Variants in RARB observed in about 807,000 individuals in gnomAD.
RARB encodes the protein HBV-activated protein.
A neutral mutation model predicts 51.9 loss-of-function variants in RARB; 17 were observed. The ratio of observed to expected loss-of-function variants is 0.33; its 90% CI spans 0.22 to 0.49. The LOEUF is 0.49. Among genes scored for constraint, RARB ranks in the 20% least tolerant of loss-of-function variants. RARB has a pLI of 0.99. For missense variants in RARB, 369 were observed against 550.8 expected (o/e 0.67, Z 3.30); for synonymous variants, 215 against 195.4 (o/e 1.10, Z -0.84).
At chr3:25,166,743 C>T (rs1178813525) in intron 4 of RARB, among the ~76,000 whole-genome samples, 1 of 152,198 alleles carries the variant, frequency 6.6e-6, no homozygotes, top group African/African-American at 2.4e-5. Flanking sequence ...GTAAAACTAA[C>T]ACTTCTCACC....
At chr3:25,281,177 T>A (rs562043927) in intron 5 of RARB, among the ~76,000 whole-genome samples, 1 of 152,210 alleles carries the variant, frequency 6.6e-6, no homozygotes, top group Non-Finnish European at 1.5e-5. Flanking sequence ...TGAGGATGTG[T>A]GTTGCACTTG....
intron 1 of RARB, among the ~76,000 whole-genome samples, chr3:25,440,026 C>T (rs2125526880): frequency 6.6e-6 from 1 of 152,208 alleles, no homozygotes; most frequent in African/African-American, 2.4e-5. Flanking sequence ...TTTTTCTAAT[C>T]TTTAAAATGA....
At position 25,549,524 on chromosome 3, in the gene RARB, C is replaced by A. The variant is rs535718565; in HGVS notation, c.449-20234C>A. ...GCCATGAACCAACTCGGGGTAGTCA[C>A]ATGTCCTCCCTTTTAAGGTGTTTGG... is the stretch of plus-strand genomic sequence containing the variant. On this transcript the variant is annotated intron_variant, in intron 3 of 7. Coordinates refer to ENST00000330688, the MANE Select transcript of RARB (RefSeq NM_000965.5). Among the ~76,000 whole-genome samples, 13 of 152,304 alleles carry A rather than the reference C, an allele frequency of 8.5e-5. No homozygotes were observed. In the South Asian group the frequency reaches 2.7e-3, roughly 32 times the overall value.
intron 5 of RARB, among the ~76,000 whole-genome samples, chr3:25,373,388 G>C (rs1055595964): frequency 6.6e-6 from 1 of 152,156 alleles, no homozygotes; most frequent in Non-Finnish European, 1.5e-5. Flanking sequence ...AGAATGCAGT[G>C]AGTGAGGAGG....
chr3:25,028,894 C>G (rs1362865747), intron 2 of RARB, among the ~76,000 whole-genome samples: 2 of 152,144 alleles, frequency 1.3e-5, no homozygotes, highest in African/African-American at 4.8e-5. Flanking sequence ...ACCAAATGTG[C>G]CTGACCATGT....
chr3:25,007,592 C>CCAAAAAAAAAAAAAAAAA (rs1697299255), intron 2 of RARB, among the ~76,000 whole-genome samples: 1 of 45,418 alleles, frequency 2.2e-5, no homozygotes, highest in Non-Finnish European at 3.7e-5. Context: ...GAGACTGTCT[C>CCAAAAAAAAAAAAAAAAA]AAAAAAAAAA....
At chr3:25,259,850 C>A in intron 5 of RARB, 1 of 944,788 alleles carries the variant, frequency 1.1e-6, no homozygotes, top group Non-Finnish European at 1.3e-6. Context: ...TCTGTCATTG[C>A]TTCCCAAATA....
At chr3:25,224,291 C>A (rs1056603730) in intron 5 of RARB, among the ~76,000 whole-genome samples, 1 of 152,170 alleles carries the variant, frequency 6.6e-6, no homozygotes, top group Non-Finnish European at 1.5e-5. Flanking sequence ...CCTAAGAGGA[C>A]TGCTAGTATG....
intron 5 of RARB, among the ~76,000 whole-genome samples, chr3:25,218,978 C>G (rs1173829240): frequency 6.6e-6 from 1 of 152,108 alleles, no homozygotes; most frequent in African/African-American, 2.4e-5. Context: ...GCCTTTGCAC[C>G]TGGATTTCCA....
At chr3:25,454,069 G>A (rs965825893) in intron 1 of RARB, among the ~76,000 whole-genome samples, 5 of 152,218 alleles carry the variant, frequency 3.3e-5, no homozygotes, top group Admixed American at 2.6e-4. Flanking sequence ...CTGAAAAGGC[G>A]ACATAAAAAT....
At chr3:24,921,147 C>T (rs565445666) in intron 2 of RARB, among the ~76,000 whole-genome samples, 84 of 151,938 alleles carry the variant, frequency 5.5e-4, no homozygotes, top group African/African-American at 1.8e-3. Flanking sequence ...TTTTTTTCAA[C>T]GCTAGTACAA....
rs1703979769 is a variant in RARB at position 25,298,976 on chromosome 3, T to A, written c.178+124401T>A. ...ATTATGCTAACGTGCATTCCACATC[T>A]AAGGGGTCACTGTTCACATCACAGA... On this transcript the variant is annotated intron_variant, in intron 5 of 11. Coordinates refer to the RARB transcript ENST00000383772. 3.3e-5 allele frequency among the ~76,000 whole-genome samples: 5 copies of A among 152,312 alleles called. No homozygotes were observed. In the South Asian group the frequency reaches 1.0e-3, roughly 32 times the overall value.
rs79433615 is a variant in RARB, at chr3:25,134,772, T to C, written c.-280+2564T>C. Among the ~76,000 whole-genome samples the C allele has an allele frequency of 4.5e-3, 689 of 152,126 alleles. 15 individuals carry two copies. The highest frequency in any genetic ancestry group is 0.041 in the East Asian group (210 of 5,176). On this transcript the variant is annotated intron_variant, in intron 4 of 11. Coordinates refer to the RARB transcript ENST00000383772. ...GTTTATGCTCTTTTCTCAGTTACCA[T>C]GTTCATTATGGAAGAATGAGAATGT...
chr3:25,258,645 A>G (rs1352750278), intron 5 of RARB, among the ~76,000 whole-genome samples: 3 of 152,072 alleles, frequency 2.0e-5, no homozygotes, highest in Non-Finnish European at 4.4e-5. Context: ...AGACTGAATA[A>G]TTTATAAAGG....
chr3:25,563,697 G>A (rs1700365876), intron 3 of RARB, among the ~76,000 whole-genome samples: 1 of 152,184 alleles, frequency 6.6e-6, no homozygotes, highest in African/African-American at 2.4e-5. Context: ...TAAAATTAAA[G>A]CATGTTTTAA....
At chr3:25,042,720 A>G (rs1343100658) in intron 2 of RARB, among the ~76,000 whole-genome samples, 1 of 152,218 alleles carries the variant, frequency 6.6e-6, no homozygotes, top group African/African-American at 2.4e-5. Context: ...GTCCATGTCA[A>G]TGTGAATGTG....
At chr3:25,128,044 C>T (rs1045428202) in intron 3 of RARB, among the ~76,000 whole-genome samples, 17 of 152,026 alleles carry the variant, frequency 1.1e-4, no homozygotes, top group East Asian at 1.9e-4. Flanking sequence ...ATTTGCTAAC[C>T]GGTTGCCTAA....
chr3:25,066,164 TC>T (rs1698658096), intron 3 of RARB, among the ~76,000 whole-genome samples: 1 of 152,190 alleles, frequency 6.6e-6, no homozygotes, highest in African/African-American at 2.4e-5. Context: ...CTTGTATTTT[TC>T]AAGGCTGTCA....
At chr3:24,984,669 CTAATG>C (rs949755799) in intron 2 of RARB, among the ~76,000 whole-genome samples, 2 of 152,110 alleles carry the variant, frequency 1.3e-5, no homozygotes, top group Admixed American at 6.5e-5. Context: ...ATCTAGAACT[CTAATG>C]TACAGTGTGG....
Sources: allele counts gnomAD v4.1 joint callset (sites outside exome capture counted in the v4.1 genomes callset), GRCh38; gene constraint gnomAD v4.1.1; transcripts MANE v1.5; gene names NCBI Gene and HGNC (gene_info 2026-07-23, HGNC 2026-07-21).